Variants in TMTC2 observed in about 807,000 individuals in gnomAD.
TMTC2 encodes the protein transmembrane O-mannosyltransferase targeting cadherins 2, also known as protein O-mannosyl-transferase TMTC2.
In TMTC2, 43 loss-of-function variants were observed where a neutral mutation model predicts 82.4. The observed-to-expected ratio is 0.52, with a 90% CI of 0.41 to 0.67. The LOEUF is 0.67. Ranked by LOEUF, TMTC2 falls within the 30% of genes least tolerant of loss-of-function variation. The probability of loss-of-function intolerance (pLI) is 0.00; values close to 1 mark genes in which losing one functional copy is unlikely to be tolerated. For synonymous variants in TMTC2, 408 were observed against 381.9 expected, an observed-to-expected ratio of 1.07 and a Z score of -0.80; for missense variants, 919 against 1,012.4, an observed-to-expected ratio of 0.91 and a Z score of 1.25.
In TMTC2 at chr12:83,116,238, G is replaced by A. The variant is rs530961383; in HGVS notation, c.2332-15972G>A. On this transcript the variant is annotated intron_variant, in intron 11 of 11. Transcript: ENST00000321196. ...AGTCTCCAGTCTCATCTAGGTTGTG[G>A]CAAATGCCATTAATTCTTTCCTTTT... Among the ~76,000 whole-genome samples, 6 of 152,260 alleles carry A rather than the reference G, an allele frequency of 3.9e-5. No individual in the cohort carries two copies. In the South Asian group the frequency reaches 6.2e-4, roughly 16 times the overall value.
chr12:82,712,538 A>T (rs1308582288), intron 1 of TMTC2, among the ~76,000 whole-genome samples: 1 of 151,904 alleles, frequency 6.6e-6, no homozygotes, highest in Non-Finnish European at 1.5e-5. Flanking sequence ...TCTCCAAATC[A>T]TGCTGCGTGG....
intron 1 of TMTC2, among the ~76,000 whole-genome samples, chr12:82,712,377 C>T (rs1024964524): frequency 2.7e-5 from 4 of 146,192 alleles, no homozygotes; most frequent in Admixed American, 2.1e-4. Flanking sequence ...TTGCAGTGAG[C>T]CAAGATCGCA....
chr12:82,696,052 G>A (rs1160542125), intron 1 of TMTC2, among the ~76,000 whole-genome samples: 1 of 152,124 alleles, frequency 6.6e-6, no homozygotes, highest in Non-Finnish European at 1.5e-5. Context: ...CTCCTCTCCT[G>A]CCCCAAATAA....
intron 1 of TMTC2, among the ~76,000 whole-genome samples, chr12:82,749,276 C>T (rs1283913393): frequency 1.3e-5 from 2 of 152,052 alleles, no homozygotes; most frequent in African/African-American, 2.4e-5. Flanking sequence ...CTGGCTTCTC[C>T]TGAGTATGCT....
chr12:83,079,614 C>G (rs557036649), intron 11 of TMTC2, among the ~76,000 whole-genome samples: 2 of 152,028 alleles, frequency 1.3e-5, no homozygotes, highest in Non-Finnish European at 2.9e-5. Flanking sequence ...CCAGCAATAA[C>G]GAATAAATAT....
chr12:83,001,159 C>T (rs1244311484), intron 8 of TMTC2, among the ~76,000 whole-genome samples: 1 of 152,172 alleles, frequency 6.6e-6, no homozygotes, highest in Non-Finnish European at 1.5e-5. Context: ...TAACATTCGG[C>T]TCCTCGTTAC....
At chr12:82,759,988 C>T (rs966626818) in intron 1 of TMTC2, 5 of 152,162 alleles carry the variant, frequency 3.3e-5, no homozygotes, top group African/African-American at 1.2e-4. Flanking sequence ...TACCGTGTAT[C>T]TCAAATTGTT....
intron 8 of TMTC2, among the ~76,000 whole-genome samples, chr12:83,020,475 G>A (rs1880867214): frequency 6.6e-6 from 1 of 152,080 alleles, no homozygotes; most frequent in Admixed American, 6.6e-5. Context: ...GAAATTTTAG[G>A]ATATACTTGT....
chr12:82,748,994 ATTGT>A (rs967958224), intron 1 of TMTC2, among the ~76,000 whole-genome samples: 2 of 152,216 alleles, frequency 1.3e-5, no homozygotes, highest in Admixed American at 6.5e-5. Context: ...TGTGCTACGC[ATTGT>A]TTGTCTCTTA....
chr12:82,731,027 T>A (rs1874779524), intron 1 of TMTC2, among the ~76,000 whole-genome samples: 1 of 152,226 alleles, frequency 6.6e-6, no homozygotes, highest in African/African-American at 2.4e-5. Context: ...TTTAAATGCA[T>A]CTGTAGCTAT....
At chr12:82,940,309 G>A (rs904496984) in intron 4 of TMTC2, among the ~76,000 whole-genome samples, 20 of 151,712 alleles carry the variant, frequency 1.3e-4, no homozygotes, top group Admixed American at 1.0e-3. Flanking sequence ...GAACCACCGC[G>A]CCCGGCCAGA....
intron 8 of TMTC2, among the ~76,000 whole-genome samples, chr12:82,987,632 T>G (rs984604983): frequency 6.6e-6 from 1 of 152,096 alleles, no homozygotes; most frequent in East Asian, 1.9e-4. Context: ...AGGCAGGTCC[T>G]GCAGCTCATC....
intron 1 of TMTC2, among the ~76,000 whole-genome samples, chr12:82,729,802 A>G (rs1874676334): frequency 6.6e-6 from 1 of 152,190 alleles, no homozygotes; most frequent in Non-Finnish European, 1.5e-5. Flanking sequence ...TCTTTGCAAT[A>G]AATCTTGCTG....
intron 1 of TMTC2, among the ~76,000 whole-genome samples, chr12:82,701,796 C>T (rs1039201772): frequency 3.3e-5 from 5 of 151,650 alleles, no homozygotes; most frequent in Non-Finnish European, 7.4e-5. Flanking sequence ...ATTAATCTCT[C>T]TCCTAATTAA....
Position 82,895,826 on chromosome 12 carries a change from C to T in TMTC2, c.663C>T (p.Asn221=). ...CTCTCTTTTGGTTTCAGAGGAAGAA[C>T]TTGTCGCTTTTCCTAAGCATTAGTT... is the stretch of plus-strand genomic sequence containing the variant. The part of the protein sequence containing the change: ...QILPTIYKRK[N]LSLFLSISLL... The change falls in exon 3 of 12, where the codon AAC becomes AAT. Residue 221 remains asparagine, a synonymous_variant. Coordinates refer to ENST00000321196, the MANE Select transcript of TMTC2 (RefSeq NM_152588.3). 1 of 1,603,412 alleles carries T rather than the reference C, an allele frequency of 6.2e-7. No individual in the cohort carries two copies. Among genetic ancestry groups the T allele is most frequent in the Non-Finnish European group, 8.5e-7 (1 of 1,174,486 alleles).
At chr12:82,778,931 G>T (rs1289260966) in intron 1 of TMTC2, among the ~76,000 whole-genome samples, 1 of 150,756 alleles carries the variant, frequency 6.6e-6, no homozygotes, top group Non-Finnish European at 1.5e-5. Context: ...CAGCTACTTG[G>T]GAGGCTGAGG....
intron 11 of TMTC2, among the ~76,000 whole-genome samples, chr12:83,102,278 A>G (rs1884244918): frequency 6.6e-6 from 1 of 152,198 alleles, no homozygotes; most frequent in South Asian, 2.1e-4. Context: ...TCTATAAGTG[A>G]AGAAAGGAAC....
At chr12:82,938,888 A>C (rs1437647343) in intron 4 of TMTC2, among the ~76,000 whole-genome samples, 1 of 152,182 alleles carries the variant, frequency 6.6e-6, no homozygotes, top group Non-Finnish European at 1.5e-5. Context: ...TATAGATCTT[A>C]CTACGTTTTT....
chr12:83,112,017 G>C (rs1392188907), intron 11 of TMTC2, among the ~76,000 whole-genome samples: 1 of 151,878 alleles, frequency 6.6e-6, no homozygotes, highest in African/African-American at 2.4e-5. Context: ...GAGGGAGGAG[G>C]ATTGCTTGAG....
Sources: gnomAD v4.1 joint callset for allele counts (sites outside exome capture counted in the v4.1 genomes callset) on GRCh38, gnomAD v4.1.1 for gene constraint, MANE v1.5 for transcripts, NCBI Gene and HGNC (gene_info 2026-07-23, HGNC 2026-07-21) for gene names.